FDX2: variants seen among roughly 807,000 people sequenced by gnomAD.
The protein encoded by FDX2 is ferredoxin-2, mitochondrial.
In FDX2, 13 loss-of-function variants were observed where a neutral mutation model predicts 18.5. That is an observed-to-expected ratio of 0.70 (90% CI 0.46 to 1.12). The LOEUF is 1.12. Among genes scored for constraint, FDX2 ranks in the 50% most tolerant of loss-of-function variants. The pLI, the probability that FDX2 is intolerant of heterozygous loss-of-function variation, is 0.00. For missense variants in FDX2, 238 were observed against 250.4 expected, an observed-to-expected ratio of 0.95 and a Z score of 0.34; for synonymous variants, 132 against 106.2, an observed-to-expected ratio of 1.24 and a Z score of -1.49.
Position 10,315,848 on chromosome 19 carries a change from G to T in FDX2, c.154+4C>A. On this transcript the variant is annotated splice_donor_region_variant and intron_variant, in intron 1 of 4. Coordinates refer to ENST00000393708, the MANE Select transcript of FDX2 (RefSeq NM_001031734.4). ...ACGCTGCCCGCCCCGGGCGCCCCAG[G>T]TACCTGTCGCTTGAAACTTTCTGGT... 2 of 1,599,058 alleles carry T rather than the reference G, an allele frequency of 1.3e-6. No individual in the cohort carries two copies. Among genetic ancestry groups the T allele is most frequent in the Non-Finnish European group, 1.7e-6 (2 of 1,174,864 alleles).
In FDX2 at chr19:10,313,672, T is replaced by TATATATATATATATATA. The variant is rs1491344383; in HGVS notation, c.316+1713_316+1714insTATATATATATATATAT. ...AGACATATATATATATATATATATA[T>TATATATATATATATATA]TTTTTTTTTTTTTTTTTTTTTTTTT... On this transcript the variant is annotated intron_variant, in intron 3 of 4. Transcript: ENST00000393708. 3.0e-3 allele frequency among the ~76,000 whole-genome samples: 67 copies of TATATATATATATATATA among 22,654 alleles called. 1 individual carries two copies. Among genetic ancestry groups the TATATATATATATATATA allele is most frequent in the African/African-American group, 3.8e-3 (19 of 5,018 alleles). 14.9% of individuals were successfully genotyped at this position (22,654 alleles called of 152,430 possible). A position where few individuals can be genotyped will look rare whatever the true frequency, so the allele number is the denominator to read the frequency against.
In FDX2 at chr19:10,310,510, A is replaced by G; in HGVS notation, c.537T>C (p.Asp179=). Residue 179 remains aspartate, a synonymous_variant, in exon 5 of 5, where the codon GAT becomes GAC. Transcript: ENST00000393708. Reference sequence around the variant, plus strand: ...GTCAGTGGGGCTTGGGGACATGGCCATCCACGTAGAAGTTCCTGGTGATCT... The same window carrying G: ...GTCAGTGGGGCTTGGGGACATGGCCGTCCACGTAGAAGTTCCTGGTGATCT... The G allele has an allele frequency of 6.2e-7, 1 of 1,614,160 alleles. No individual in the cohort carries two copies.
chr19:10,315,627 G>A, intron 2 of FDX2, 78 bp downstream of exon 2: 2 of 1,524,714 alleles, frequency 1.3e-6, no homozygotes, highest in Non-Finnish European at 1.8e-6. Flanking sequence ...GGGACCTCGA[G>A]ATGAAGCTAC....
chr19:10,315,249 T>G, intron 3 of FDX2, 137 bp downstream of exon 3: 1 of 651,382 alleles, frequency 1.5e-6, no homozygotes, highest in Non-Finnish European at 2.6e-6. Context: ...GATGAGGCCA[T>G]GGTGAGGGGT....
chr19:10,315,771 G>T lies in FDX2; in HGVS notation c.155-12C>A, dbSNP rs746117616. ...AGCCGGGCGCGAGCCTGGAAAACAC[G>T]GTTCGGTGAGCGGCTGCGCCGAGCC... On this transcript the variant is annotated splice_polypyrimidine_tract_variant and intron_variant, in intron 1 of 4. Transcript: ENST00000393708. The T allele has an allele frequency of 1.2e-6, 2 of 1,603,070 alleles. No individual in the cohort carries two copies. The highest frequency in any genetic ancestry group is 1.7e-5 in the Admixed American group (1 of 58,890).
At position 10,310,403 on chromosome 19, in the gene FDX2, A is replaced by G; in HGVS notation, c.*83T>C. On this transcript the variant is annotated 3_prime_UTR_variant, in exon 5 of 5. Transcript: ENST00000393708. ...CCACGTCTCTCCCGGGCCTGTCCGC[A>G]CTCTGGGCAGGGCTGGCACCTGGCT... 1.9e-6 allele frequency: 3 copies of G among 1,584,030 alleles called. No homozygotes were observed. The highest frequency in any genetic ancestry group is 2.6e-6 in the Non-Finnish European group (3 of 1,158,708).
In FDX2 at chr19:10,315,963, C is replaced by T; in HGVS notation, c.43G>A (p.Ala15Thr). Residue 15 changes from alanine to threonine, a missense_variant, in exon 1 of 5, where the codon GCC (alanine) becomes ACC (threonine). Coordinates refer to ENST00000393708, the MANE Select transcript of FDX2 (RefSeq NM_001031734.4). ...CTGGCAGCCTGCAGTAGAACCCTGG[C>T]ACTCACGCCTCCCCGGGCCATGGAG... The T allele has an allele frequency of 2.5e-6, 4 of 1,610,794 alleles. No individual in the cohort carries two copies. The highest frequency in any genetic ancestry group is 2.5e-6 in the Non-Finnish European group (3 of 1,179,170).
chr19:10,315,962 GCACTCACGC>G lies in FDX2; in HGVS notation c.35_43del (p.Gly12_Ser14del). 6.2e-7 allele frequency: 1 copy of G among 1,610,728 alleles called. No homozygotes were observed. The highest frequency in any genetic ancestry group is 8.5e-7 in the Non-Finnish European group (1 of 1,179,152). On this transcript the variant is annotated inframe_deletion, in exon 1 of 5. Transcript: ENST00000393708. ...CCTGGCAGCCTGCAGTAGAACCCTG[GCACTCACGC>G]CTCCCCGGGCCATGGAGGCGGCCAT...
At position 10,310,567 on chromosome 19, in the gene FDX2, C is replaced by CTAT; in HGVS notation, c.479_480insATA (p.Pro160_Glu161insTer). The stretch of plus-strand genomic sequence containing the variant: ...GGGTGAATTCCGCTCCTTCCAGCTC[C>CTAT]GGTGTCAGCACAATCTGGCAGCCCA... On this transcript the variant is annotated stop_gained and inframe_insertion, in exon 5 of 5. Transcript: ENST00000393708. LOFTEE classifies it high-confidence loss of function. 1 of 1,614,076 alleles carries CTAT rather than the reference C, an allele frequency of 6.2e-7. No homozygotes were observed. Among genetic ancestry groups the CTAT allele is most frequent in the Non-Finnish European group, 8.5e-7 (1 of 1,180,012 alleles).
At chr19:10,314,347 C>G (rs2040355638) in intron 3 of FDX2, among the ~76,000 whole-genome samples, 1 of 152,138 alleles carries the variant, frequency 6.6e-6, no homozygotes, top group South Asian at 2.1e-4. Context: ...TCTTGACAGG[C>G]AACAGATAAG....
chr19:10,314,039 A>G (rs1465830204), intron 3 of FDX2, among the ~76,000 whole-genome samples: 1 of 145,256 alleles, frequency 6.9e-6, no homozygotes, highest in African/African-American at 2.6e-5. Flanking sequence ...CCTGGAGTGC[A>G]GTGGTGCCAT....
rs753886191 is a variant in FDX2 at position 10,315,506 on chromosome 19, GA to G, written c.210-15del. The G allele has an allele frequency of 6.2e-7, 1 of 1,612,294 alleles. No individual in the cohort carries two copies. The highest frequency in any genetic ancestry group is 1.1e-5 in the South Asian group (1 of 90,962). ...ACCACGTTCACCCTGGGGACAGATG[GA>G]AGTGCGAATGCCGAACTGGATGATG... On this transcript the variant is annotated splice_polypyrimidine_tract_variant and intron_variant, in intron 2 of 4. Coordinates refer to ENST00000393708, the MANE Select transcript of FDX2 (RefSeq NM_001031734.4).
At position 10,310,646 on chromosome 19, in the gene FDX2, G is replaced by A; in HGVS notation, c.405-4C>T. On this transcript the variant is annotated splice_polypyrimidine_tract_variant and splice_region_variant and intron_variant, in intron 4 of 4. Coordinates refer to ENST00000393708, the MANE Select transcript of FDX2 (RefSeq NM_001031734.4). ...CATGTCTAGCATGTCGTCTTCCCTAGGGTGGTGACACGGGCAGTGTTAGCC... is the reference window on the plus strand; with the variant it reads ...CATGTCTAGCATGTCGTCTTCCCTAAGGTGGTGACACGGGCAGTGTTAGCC... The A allele has an allele frequency of 6.2e-7, 1 of 1,613,470 alleles. No homozygotes were observed. The highest frequency in any genetic ancestry group is 8.5e-7 in the Non-Finnish European group (1 of 1,179,822).
chr19:10,315,918 G>A lies in FDX2; in HGVS notation c.88C>T (p.Pro30Ser). 2 of 1,609,974 alleles carry A rather than the reference G, an allele frequency of 1.2e-6. No homozygotes were observed. The highest frequency in any genetic ancestry group is 1.7e-4 in the Middle Eastern group (1 of 6,044). ...TCCCCCGACCCGGAAGTGCCCCCAGGTCTGTTCCACCAGGTGCCCCTGGCA... is the reference window on the plus strand; with the variant it reads ...TCCCCCGACCCGGAAGTGCCCCCAGATCTGTTCCACCAGGTGCCCCTGGCA... The change falls in exon 1 of 5, where the codon CCT becomes TCT. Residue 30 changes from proline to serine, a missense_variant. Physicochemically the swap from Pro to Ser is moderately conservative, Grantham distance 74 (BLOSUM62 -1). Coordinates refer to ENST00000393708, the MANE Select transcript of FDX2 (RefSeq NM_001031734.4).
In FDX2 at chr19:10,311,680, G is replaced by A. The variant is rs184093146; in HGVS notation, c.317-740C>T. 4.9e-3 allele frequency among the ~76,000 whole-genome samples: 731 copies of A among 150,182 alleles called. 6 individuals carry two copies. The highest frequency in any genetic ancestry group is 0.017 in the African/African-American group (693 of 40,908). On this transcript the variant is annotated intron_variant, in intron 3 of 4. Coordinates refer to ENST00000393708, the MANE Select transcript of FDX2 (RefSeq NM_001031734.4). ...TTCCCAAAGTGCTGGGATTACAGGC[G>A]TAAGCCACTGCACCCGGCCAGGATT...
intron 3 of FDX2, among the ~76,000 whole-genome samples, chr19:10,314,831 C>T (rs1289637319): frequency 6.6e-6 from 1 of 151,652 alleles, no homozygotes; most frequent in East Asian, 2.0e-4. Context: ...GGGCTGGGCG[C>T]GGTGGCTCAT....
At chr19:10,315,350 T>C (rs1437970972) in intron 3 of FDX2, 36 bp downstream of exon 3, 1 of 993,042 alleles carries the variant, frequency 1.0e-6, no homozygotes, top group Non-Finnish European at 1.5e-6. Flanking sequence ...GACAAATGTA[T>C]AAGGACCTCC....
intron 3 of FDX2, among the ~76,000 whole-genome samples, chr19:10,314,981 A>G (rs1414384137): frequency 6.6e-6 from 1 of 152,130 alleles, no homozygotes; most frequent in Non-Finnish European, 1.5e-5. Context: ...GGCGCCTGTA[A>G]TCCCAGCTAG....
chr19:10,313,392 C>T (rs943934909), intron 3 of FDX2, among the ~76,000 whole-genome samples: 1 of 151,822 alleles, frequency 6.6e-6, no homozygotes. Context: ...CCTATTAGAC[C>T]GAAATGGATG....
Sources: gnomAD v4.1 joint callset for allele counts (sites outside exome capture counted in the v4.1 genomes callset) on GRCh38, gnomAD v4.1.1 for gene constraint, MANE v1.5 for transcripts, NCBI Gene and HGNC (gene_info 2026-07-23, HGNC 2026-07-21) for gene names.